Variants in CPNE8 observed in about 807,000 individuals in gnomAD.
CPNE8 encodes the protein copine 8.
CPNE8 carries 45 observed loss-of-function variants against 81.5 expected under a neutral mutation model. That is an observed-to-expected ratio of 0.55 (90% CI 0.44 to 0.71). CPNE8 has a LOEUF of 0.71. Ranked by LOEUF, CPNE8 falls within the 30% of genes least tolerant of loss-of-function variation. The probability of loss-of-function intolerance (pLI) is 0.00; values close to 1 mark genes in which losing one functional copy is unlikely to be tolerated. For missense variants in CPNE8, 594 were observed against 672.1 expected, an observed-to-expected ratio of 0.88 and a Z score of 1.28; for synonymous variants, 252 against 226.3, an observed-to-expected ratio of 1.11 and a Z score of -1.02.
chr12:38,863,995 A>C (rs1048713492), intron 3 of CPNE8, among the ~76,000 whole-genome samples: 5 of 151,202 alleles, frequency 3.3e-5, no homozygotes, highest in African/African-American at 1.2e-4. Flanking sequence ...TGGAGCTTGC[A>C]GTGAGCCGAG....
At chr12:38,808,478 T>A (rs1224549129) in intron 6 of CPNE8, among the ~76,000 whole-genome samples, 1 of 151,660 alleles carries the variant, frequency 6.6e-6, no homozygotes, top group African/African-American at 2.4e-5. Flanking sequence ...TTGGAAACCA[T>A]CATTCTCAGT....
At chr12:38,861,023 T>C (rs780884033) in intron 3 of CPNE8, among the ~76,000 whole-genome samples, 3 of 152,114 alleles carry the variant, frequency 2.0e-5, no homozygotes, top group Non-Finnish European at 4.4e-5. Context: ...AAAAATAATG[T>C]GGAAATATAC....
At chr12:38,760,733 A>T in intron 10 of CPNE8, 114 bp downstream of exon 10, 1 of 849,528 alleles carries the variant, frequency 1.2e-6, no homozygotes, top group Non-Finnish European at 1.9e-6. Context: ...AACATTTGGA[A>T]AAACAAAACA....
chr12:38,797,534 C>T (rs141629170), intron 6 of CPNE8, among the ~76,000 whole-genome samples: 1,934 of 152,170 alleles, frequency 0.013, 48 homozygotes, highest in African/African-American at 0.045. Context: ...ACATCCACAC[C>T]AAAACCCCAT....
chr12:38,677,696 C>A, intron 16 of CPNE8, 142 bp from the exon 17 acceptor site: 3 of 596,636 alleles, frequency 5.0e-6, no homozygotes, highest in Admixed American at 2.7e-5. Context: ...TGCAAACTTT[C>A]AAATACACAA....
chr12:38,767,602 C>A, intron 8 of CPNE8, 33 bp downstream of exon 8: 2 of 1,221,548 alleles, frequency 1.6e-6, no homozygotes, highest in South Asian at 1.5e-5. Context: ...TCATCATTAC[C>A]ATATAGTTGA....
intron 3 of CPNE8, among the ~76,000 whole-genome samples, chr12:38,869,739 T>C (rs1032513922): frequency 1.3e-5 from 2 of 152,184 alleles, no homozygotes; most frequent in Admixed American, 1.3e-4. Context: ...TCTTCAGCCA[T>C]CTTCAGCTCC....
intron 10 of CPNE8, among the ~76,000 whole-genome samples, chr12:38,740,654 G>T (rs1467992011): frequency 6.6e-6 from 1 of 152,154 alleles, no homozygotes; most frequent in Non-Finnish European, 1.5e-5. Context: ...TAATCATGTG[G>T]TTTTTGTCTT....
At chr12:38,899,624 A>T (rs1944432466) in intron 1 of CPNE8, among the ~76,000 whole-genome samples, 1 of 152,258 alleles carries the variant, frequency 6.6e-6, no homozygotes, top group Non-Finnish European at 1.5e-5. Flanking sequence ...CCTCTTCAAT[A>T]AAAAGCTGAA....
chr12:38,823,111 CCTAA>C (rs1308474164), intron 6 of CPNE8, among the ~76,000 whole-genome samples: 2 of 152,158 alleles, frequency 1.3e-5, no homozygotes, highest in Non-Finnish European at 2.9e-5. Flanking sequence ...ACAGTCAAAG[CCTAA>C]CTTTCAGGAT....
intron 1 of CPNE8, among the ~76,000 whole-genome samples, chr12:38,895,429 A>G (rs1437421048): frequency 1.3e-5 from 2 of 152,106 alleles, no homozygotes; most frequent in Admixed American, 6.6e-5. Context: ...TCATTTGCCC[A>G]GACTATCACC....
intron 18 of CPNE8, among the ~76,000 whole-genome samples, chr12:38,673,776 A>T (rs898359652): frequency 7.2e-5 from 11 of 151,952 alleles, no homozygotes; most frequent in African/African-American, 2.7e-4. Flanking sequence ...GAGGAATAGG[A>T]TTACTAAGAT....
At position 38,652,420 on chromosome 12, in the gene CPNE8, T is replaced by C. The variant is rs1033643385; in HGVS notation, c.*1462A>G. On this transcript the variant is annotated 3_prime_UTR_variant, in exon 20 of 20. Transcript: ENST00000331366. The stretch of plus-strand genomic sequence containing the variant: ...ACAATTATTACATAGTTATATAACA[T>C]TGATACTGTTAGATATGTGGATGTA... 1.3e-5 allele frequency: 2 copies of C among 152,592 alleles called. No homozygotes were observed. The highest frequency in any genetic ancestry group is 2.9e-5 in the Non-Finnish European group (2 of 68,004). The allele number at this position is 152,592 out of a possible 1,614,324, so 9.5% of individuals were successfully genotyped here.
chr12:38,657,881 C>T (rs1383019234), intron 19 of CPNE8, among the ~76,000 whole-genome samples: 2 of 152,108 alleles, frequency 1.3e-5, no homozygotes, highest in Non-Finnish European at 2.9e-5. Flanking sequence ...CACACCAAAA[C>T]CACATCTATA....
rs1939160407 is a variant in CPNE8 at position 38,670,886 on chromosome 12, T to A, written c.1433-84A>T. The A allele has an allele frequency of 7.6e-6, 7 of 925,652 alleles. No individual in the cohort carries two copies. The South Asian group carries it at 9.1e-5, about 12-fold the overall frequency. 57.3% of individuals were successfully genotyped at this position (925,652 alleles called of 1,614,324 possible). On this transcript the variant is annotated intron_variant, in intron 18 of 19. Transcript: ENST00000331366. ...TGGACAACAAGGAAATCAAGATGTA[T>A]GAAGTAGCAAAATGTGCTATGAAAA...
rs561812688 is a variant in CPNE8, at chr12:38,711,472, T to C, written c.915-8551A>G. Among the ~76,000 whole-genome samples the C allele has an allele frequency of 2.6e-3, 392 of 151,516 alleles. 3 individuals are homozygous for C. Among genetic ancestry groups the C allele is most frequent in the African/African-American group, 8.7e-3 (360 of 41,384 alleles). ...CTAAGCTTTCCAAGTGTAGTTCTTT[T>C]TTTTTTTTTTTTCCAGATGGAGTTT... is the stretch of plus-strand genomic sequence containing the variant. On this transcript the variant is annotated intron_variant, in intron 13 of 19. Coordinates refer to ENST00000331366, the MANE Select transcript of CPNE8 (RefSeq NM_153634.3).
At chr12:38,766,280 A>G (rs1941687902) in intron 8 of CPNE8, among the ~76,000 whole-genome samples, 1 of 152,218 alleles carries the variant, frequency 6.6e-6, no homozygotes, top group Non-Finnish European at 1.5e-5. Context: ...AACTAATAAG[A>G]ATAAAAATAG....
At chr12:38,687,370 CTTTCT>C (rs749411739) in intron 15 of CPNE8, among the ~76,000 whole-genome samples, 12 of 95,522 alleles carry the variant, frequency 1.3e-4, no homozygotes, top group East Asian at 3.3e-4. Context: ...AATGCCAAGA[CTTTCT>C]TTTTTTTTTT....
At chr12:38,893,254 G>A (rs2137146996) in intron 1 of CPNE8, among the ~76,000 whole-genome samples, 1 of 152,276 alleles carries the variant, frequency 6.6e-6, no homozygotes. Flanking sequence ...ATTCCCAGGA[G>A]GTTAAGGCAT....
Sources: allele counts gnomAD v4.1 joint callset (sites outside exome capture counted in the v4.1 genomes callset), GRCh38; gene constraint gnomAD v4.1.1; transcripts MANE v1.5; gene names NCBI Gene and HGNC (gene_info 2026-07-23, HGNC 2026-07-21).